The following SYNPR variants were observed in gnomAD, a reference collection of about 807,000 sequenced individuals.
SYNPR encodes the protein synaptoporin.
A neutral mutation model predicts 32.9 loss-of-function variants in SYNPR; 23 were observed. The ratio of observed to expected loss-of-function variants is 0.70; its 90% CI spans 0.50 to 0.99. SYNPR has a LOEUF of 0.99. Ranked by LOEUF, SYNPR falls within the 50% of genes least tolerant of loss-of-function variation. The pLI is 0.00. For missense variants in SYNPR, 318 were observed against 349.3 expected, an observed-to-expected ratio of 0.91 and a Z score of 0.71; for synonymous variants, 146 against 135.9, an observed-to-expected ratio of 1.07 and a Z score of -0.52.
chr3:63,204,638 C>T, the SYNPR span, among the ~76,000 whole-genome samples: 4,853 of 152,146 alleles, frequency 0.032, 138 homozygotes, highest in South Asian at 0.059. Context: ...CTAGATTCTT[C>T]GCTACCACAG....
chr3:63,302,057 T>G (rs1363565984), intron 2 of SYNPR, among the ~76,000 whole-genome samples: 2 of 152,102 alleles, frequency 1.3e-5, no homozygotes, highest in Non-Finnish European at 2.9e-5. Flanking sequence ...AATGAATTGT[T>G]TTCTCACTTT....
intron 3 of SYNPR, among the ~76,000 whole-genome samples, chr3:63,487,977 C>T (rs930238561): frequency 1.3e-5 from 2 of 152,124 alleles, no homozygotes; most frequent in African/African-American, 4.8e-5. Context: ...CTTGCTCTGT[C>T]GTTCCCCCAC....
chr3:63,343,106 G>A (rs2087389178), intron 2 of SYNPR, among the ~76,000 whole-genome samples: 1 of 152,084 alleles, frequency 6.6e-6, no homozygotes, highest in African/African-American at 2.4e-5. Flanking sequence ...GCCCAGAGAA[G>A]GCGACAAGTT....
chr3:63,522,039 C>T (rs1701926134), intron 3 of SYNPR, among the ~76,000 whole-genome samples: 1 of 152,182 alleles, frequency 6.6e-6, no homozygotes, highest in East Asian at 1.9e-4. Flanking sequence ...GGACAAAGGA[C>T]ATGTTTCTCA....
At chr3:63,377,582 G>T (rs1053645476) in intron 2 of SYNPR, among the ~76,000 whole-genome samples, 1 of 151,924 alleles carries the variant, frequency 6.6e-6, no homozygotes, top group African/African-American at 2.4e-5. Context: ...AAAAAAATTA[G>T]AATCAACCAG....
In SYNPR at chr3:63,234,842, T is replaced by G. The variant is rs187816457; in HGVS notation, n.66+6462T>G. On this transcript the variant is annotated intron_variant and non_coding_transcript_variant, in intron 1 of 4. Coordinates refer to the SYNPR transcript ENST00000478456. ...CAGGATATGACATAGTTTAACGCAG[T>G]GGGGAAAATGTATTAAGGAAATAAT... Among the ~76,000 whole-genome samples the G allele has an allele frequency of 2.0e-3, 303 of 152,316 alleles. 1 individual carries two copies. Among genetic ancestry groups the G allele is most frequent in the Non-Finnish European group, 3.4e-3 (229 of 68,020 alleles).
intron 3 of SYNPR, among the ~76,000 whole-genome samples, chr3:63,490,804 C>A (rs1002377554): frequency 3.9e-5 from 6 of 151,986 alleles, no homozygotes; most frequent in Non-Finnish European, 7.4e-5. Context: ...ACTCTGTTAC[C>A]CAGGCTGGAG....
chr3:63,371,796 G>A (rs1251133979), intron 2 of SYNPR, among the ~76,000 whole-genome samples: 5 of 152,182 alleles, frequency 3.3e-5, no homozygotes, highest in South Asian at 2.1e-4. Flanking sequence ...AGTCGGAGGC[G>A]GTTCTACATT....
intron 4 of SYNPR, among the ~76,000 whole-genome samples, chr3:63,575,885 G>T (rs897838338): frequency 1.3e-5 from 2 of 152,072 alleles, no homozygotes; most frequent in Non-Finnish European, 2.9e-5. Flanking sequence ...TTCCTTTTAT[G>T]CTAAACTCTA....
At chr3:63,312,407 C>T (rs907427795) in intron 2 of SYNPR, among the ~76,000 whole-genome samples, 21 of 151,938 alleles carry the variant, frequency 1.4e-4, no homozygotes, top group Admixed American at 1.4e-3. Context: ...CCTTAGTCAG[C>T]TCTCTCTCTT....
At chr3:63,319,071 G>A (rs1286488369) in intron 2 of SYNPR, among the ~76,000 whole-genome samples, 1 of 151,988 alleles carries the variant, frequency 6.6e-6, no homozygotes, top group Non-Finnish European at 1.5e-5. Context: ...CTCTGGGCTG[G>A]TACTGGGAGG....
At chr3:63,247,864 T>C (rs1029536075) in intron 1 of SYNPR, among the ~76,000 whole-genome samples, 2 of 152,100 alleles carry the variant, frequency 1.3e-5, no homozygotes, top group African/African-American at 4.8e-5. Context: ...AAGGAGTCCA[T>C]CTAGGGCCAT....
chr3:63,235,916 T>C (rs2086197487), intron 1 of SYNPR, among the ~76,000 whole-genome samples: 1 of 152,102 alleles, frequency 6.6e-6, no homozygotes, highest in South Asian at 2.1e-4. Flanking sequence ...TCATGCTTTT[T>C]GTTTTAAGTC....
At chr3:63,531,839 T>C (rs1367047420) in intron 3 of SYNPR, among the ~76,000 whole-genome samples, 2 of 152,174 alleles carry the variant, frequency 1.3e-5, no homozygotes, top group Non-Finnish European at 2.9e-5. Flanking sequence ...TGAACCTAGC[T>C]GTAAACTTAG....
chr3:63,456,062 G>A lies in SYNPR; in HGVS notation c.85-24770G>A, dbSNP rs930116492. ...TTAGATGGATGGCAGCAGGCAAAGA[G>A]AGAGAGAGCTCGTGCAGGGGAATTC... On this transcript the variant is annotated intron_variant, in intron 2 of 5. Coordinates refer to ENST00000478300, the MANE Select transcript of SYNPR (RefSeq NM_001130003.2). 2.0e-5 allele frequency among the ~76,000 whole-genome samples: 3 copies of A among 152,114 alleles called. No individual in the cohort carries two copies. In the South Asian group the frequency reaches 6.2e-4, roughly 32 times the overall value.
intron 4 of SYNPR, among the ~76,000 whole-genome samples, chr3:63,581,517 G>T (rs189139695): frequency 9.9e-4 from 123 of 123,690 alleles, no homozygotes; most frequent in Middle Eastern, 8.1e-3. Flanking sequence ...TGCTGAGAAA[G>T]AAAATGAAGC....
intron 2 of SYNPR, among the ~76,000 whole-genome samples, chr3:63,339,611 T>C (rs948772314): frequency 2.6e-5 from 4 of 152,208 alleles, no homozygotes; most frequent in African/African-American, 9.7e-5. Context: ...GGTTCATGTA[T>C]TCACCACTAT....
Position 63,233,426 on chromosome 3 carries a change from G to A in SYNPR, n.66+5046G>A, listed in dbSNP as rs139112613. Among the ~76,000 whole-genome samples, 11 of 152,228 alleles carry A rather than the reference G, an allele frequency of 7.2e-5. No homozygotes were observed. In the East Asian group the frequency reaches 2.1e-3, roughly 29 times the overall value. ...CATGTTCCTTAGCATGGCACACAAG[G>A]CCCTCCATGGCCCAGACCCTACATC... On this transcript the variant is annotated intron_variant and non_coding_transcript_variant, in intron 1 of 4. Transcript: ENST00000478456.
chr3:63,476,435 T>C (rs927868089), intron 2 of SYNPR, among the ~76,000 whole-genome samples: 5 of 150,706 alleles, frequency 3.3e-5, no homozygotes, highest in African/African-American at 1.2e-4. Context: ...GAAAGAAAGA[T>C]AAAAAGGACA....
Sources: allele counts gnomAD v4.1 joint callset (sites outside exome capture counted in the v4.1 genomes callset), GRCh38; gene constraint gnomAD v4.1.1; transcripts MANE v1.5; gene names NCBI Gene and HGNC (gene_info 2026-07-23, HGNC 2026-07-21).